Variants in AHCY observed in about 807,000 individuals in gnomAD.
AHCY encodes S-adenosyl-L-homocysteine hydrolase.
Under a neutral mutation model 45.4 loss-of-function variants are expected in AHCY, and 24 were observed. The observed-to-expected ratio is 0.53, with a 90% CI of 0.38 to 0.74. The LOEUF is 0.74. Ranked by LOEUF, AHCY falls within the 30% of genes least tolerant of loss-of-function variation. The probability of loss-of-function intolerance (pLI) is 0.00; values close to 1 mark genes in which losing one functional copy is unlikely to be tolerated. For missense variants in AHCY, 449 were observed against 594.1 expected (o/e 0.76, Z 2.54); for synonymous variants, 245 against 235.1 (o/e 1.04, Z -0.39).
chr20:34,243,297 T>C, the AHCY span, among the ~76,000 whole-genome samples: 1 of 152,190 alleles, frequency 6.6e-6, no homozygotes, highest in African/African-American at 2.4e-5. Flanking sequence ...TGAAGCAGGT[T>C]GTCTACAGAA....
At chr20:34,258,444 A>G in the AHCY span, among the ~76,000 whole-genome samples, 2 of 150,450 alleles carry the variant, frequency 1.3e-5, no homozygotes, top group African/African-American at 4.9e-5. Context: ...GCAAATAAGT[A>G]CTGTAGTCAC....
chr20:34,311,661 TGGGATAGAGAG>T (rs1296779404), exon 1 of AHCY: 1 of 152,438 alleles, frequency 6.6e-6, no homozygotes, highest in African/African-American at 2.4e-5. Context: ...GGCTTCGAGA[TGGGATAGAGAG>T]GGGTGCAGGC....
At chr20:34,273,658 C>T in the AHCY span, among the ~76,000 whole-genome samples, 1 of 152,154 alleles carries the variant, frequency 6.6e-6, no homozygotes, top group African/African-American at 2.4e-5. Flanking sequence ...GCGAAGAGGA[C>T]AGGATAGGCA....
the AHCY span, chr20:34,260,294 A>C: frequency 2.7e-6 from 4 of 1,472,848 alleles, no homozygotes; most frequent in East Asian, 9.2e-5. Flanking sequence ...AAAGAAGCAC[A>C]AAGAAAGCAG....
At chr20:34,235,899 A>AAGGG in the AHCY span, among the ~76,000 whole-genome samples, 1 of 64,600 alleles carries the variant, frequency 1.5e-5, no homozygotes, top group African/African-American at 2.5e-4. Flanking sequence ...GGAAGGAAGG[A>AAGGG]AAGGAAGGAA....
At chr20:34,270,010 C>T in the AHCY span, among the ~76,000 whole-genome samples, 6 of 139,954 alleles carry the variant, frequency 4.3e-5, no homozygotes, top group African/African-American at 1.4e-4. Context: ...CGAGGCTGGA[C>T]GATCACTTGA....
Position 34,291,451 on chromosome 20 carries a change from G to A in AHCY, c.526C>T (p.Pro176Ser). Residue 176 changes from proline (P) to serine (S), a missense_variant, in exon 5 of 10, where the codon CCT becomes TCT. Transcript: ENST00000217426. ...ACGGAGTCATTGACATTGATGGCAG[G>A]CACCTTGAGGATCCCATTGGCCATC... ...KMMANGILKV[P>S]AINVNDSVTK... is the part of the protein sequence containing the mutation. The A allele has an allele frequency of 6.2e-7, 1 of 1,614,112 alleles. No homozygotes were observed. The highest frequency in any genetic ancestry group is 8.5e-7 in the Non-Finnish European group (1 of 1,180,012).
At chr20:34,293,119 T>C (rs1017549037) in intron 3 of AHCY, among the ~76,000 whole-genome samples, 3 of 152,150 alleles carry the variant, frequency 2.0e-5, no homozygotes, top group Admixed American at 2.0e-4. Context: ...CCATACCCCA[T>C]CTCATTCTTC....
Position 34,280,876 on chromosome 20 carries a change from AC to A in AHCY, c.*157del. The stretch of plus-strand genomic sequence containing the variant: ...CCGCTGCCACATTTGGAACAGTATG[AC>A]GGCTGCAGCAGAGGCCAAAAACTAA... On this transcript the variant is annotated 3_prime_UTR_variant, in exon 10 of 10. Transcript: ENST00000217426. 1 of 1,110,244 alleles carries A rather than the reference AC, an allele frequency of 9.0e-7. No individual in the cohort carries two copies. The highest frequency in any genetic ancestry group is 1.3e-6 in the Non-Finnish European group (1 of 767,592). 68.8% of individuals were successfully genotyped at this position (1,110,244 alleles called of 1,614,324 possible).
intron 9 of AHCY, among the ~76,000 whole-genome samples, chr20:34,284,045 C>T (rs1020966876): frequency 2.6e-5 from 4 of 152,174 alleles, no homozygotes; most frequent in Non-Finnish European, 4.4e-5. Context: ...TCTGTCCTGA[C>T]CCCAGGGAAG....
chr20:34,250,722 G>A, the AHCY span, among the ~76,000 whole-genome samples: 6 of 152,084 alleles, frequency 3.9e-5, no homozygotes, highest in Non-Finnish European at 8.8e-5. Context: ...GCTTGAACCC[G>A]GGAGGTGGAG....
chr20:34,263,523 G>A, the AHCY span, among the ~76,000 whole-genome samples: 74 of 152,186 alleles, frequency 4.9e-4, no homozygotes, highest in African/African-American at 1.6e-3. Context: ...TTGAGCCATT[G>A]CACTCCAGCC....
At chr20:34,243,758 TAAA>T in the AHCY span, among the ~76,000 whole-genome samples, 1 of 134,048 alleles carries the variant, frequency 7.5e-6, no homozygotes, top group Non-Finnish European at 1.6e-5. Flanking sequence ...ATATTGTATT[TAAA>T]AAAAAAAAAA....
At chr20:34,254,843 G>T in the AHCY span, among the ~76,000 whole-genome samples, 3 of 152,062 alleles carry the variant, frequency 2.0e-5, no homozygotes, top group Admixed American at 2.0e-4. Context: ...TTGAGGTAAG[G>T]AATACTGGTC....
At position 34,281,168 on chromosome 20, in the gene AHCY, G is replaced by A. The variant is rs1266843141; in HGVS notation, c.1168-3C>T. The A allele has an allele frequency of 3.1e-6, 5 of 1,612,870 alleles. No homozygotes were observed. Among genetic ancestry groups the A allele is most frequent in the Non-Finnish European group, 4.2e-6 (5 of 1,179,942 alleles). ...GCTTCAGCCACTGCCTCATCCAGCT[G>A]GGGAGAAACAAAGGAAGACCGGGAA... On this transcript the variant is annotated splice_polypyrimidine_tract_variant and splice_region_variant and intron_variant, in intron 9 of 9. Transcript: ENST00000217426.
chr20:34,279,290 G>A (rs1456860165), downstream of AHCY, among the ~76,000 whole-genome samples: 8 of 151,450 alleles, frequency 5.3e-5, no homozygotes, highest in Middle Eastern at 3.4e-3. Context: ...GCGTGGTGGC[G>A]GGTGCCTGTA....
Position 34,295,559 on chromosome 20 carries a change from G to A in AHCY, c.55C>T (p.Arg19Cys), listed in dbSNP as rs1177499091. Residue 19 changes from arginine to cysteine, a missense_variant, in exon 2 of 10, where the codon CGC (arginine) becomes TGC (cysteine). By Grantham distance (180) the Arg-to-Cys change is radical. Coordinates refer to ENST00000217426, the MANE Select transcript of AHCY (RefSeq NM_000687.4). ...TTCTCAGCAATGTCCAGGGCCTTGC[G>A]TCCCCAGGCAGCCAGGCCGATGTCG... Reference protein sequence around the residue: ...VADIGLAAWGRKALDIAENEM... With the variant: ...VADIGLAAWGCKALDIAENEM... 17 of 1,614,124 alleles carry A rather than the reference G, an allele frequency of 1.1e-5. No homozygotes were observed. The highest frequency in any genetic ancestry group is 2.2e-5 in the East Asian group (1 of 44,874).
chr20:34,257,154 G>A, the AHCY span, among the ~76,000 whole-genome samples: 2 of 149,656 alleles, frequency 1.3e-5, no homozygotes, highest in South Asian at 2.1e-4. Context: ...TACGATCTCA[G>A]CTCACTGCAA....
At chr20:34,288,926 C>T (rs1437596400) in intron 8 of AHCY, among the ~76,000 whole-genome samples, 1 of 152,220 alleles carries the variant, frequency 6.6e-6, no homozygotes, top group Non-Finnish European at 1.5e-5. Context: ...ATGCCCAATG[C>T]AAACCTGTTC....
Sources: allele counts gnomAD v4.1 joint callset (sites outside exome capture counted in the v4.1 genomes callset), GRCh38; gene constraint gnomAD v4.1.1; transcripts MANE v1.5; gene names NCBI Gene and HGNC (gene_info 2026-07-23, HGNC 2026-07-21).